The following NMBR variants were observed in gnomAD, a reference collection of about 807,000 sequenced individuals.
NMBR encodes neuromedin-B receptor.
In NMBR, 16 loss-of-function variants were observed where a neutral mutation model predicts 20.5. The observed-to-expected ratio is 0.78, with a 90% CI of 0.53 to 1.19. The LOEUF (loss-of-function observed/expected upper bound fraction) is 1.19, where lower values mean the gene tolerates loss of function less well. Among genes scored for constraint, NMBR ranks in the 50% most tolerant of loss-of-function variants. The pLI is 0.00. For missense variants in NMBR, 582 were observed against 499.1 expected (o/e 1.17, Z -1.58); for synonymous variants, 212 against 196.6 (o/e 1.08, Z -0.65).
chr6:142,136,689 G>T (rs1365528155), intron 1 of NMBR, among the ~76,000 whole-genome samples: 1 of 152,170 alleles, frequency 6.6e-6, no homozygotes, highest in Non-Finnish European at 1.5e-5. Flanking sequence ...GTAAGGAAGG[G>T]ATCCAGTTTC....
At chr6:142,120,171 C>T (rs960756431) in intron 1 of NMBR, among the ~76,000 whole-genome samples, 2 of 151,850 alleles carry the variant, frequency 1.3e-5, no homozygotes, top group African/African-American at 4.8e-5. Flanking sequence ...AATAATCTCT[C>T]CTGCCCTAAA....
intron 1 of NMBR, among the ~76,000 whole-genome samples, chr6:142,095,444 C>G (rs1303915428): frequency 6.6e-6 from 1 of 152,186 alleles, no homozygotes; most frequent in Middle Eastern, 3.4e-3. Context: ...TGTTTATATA[C>G]TGGATTATGT....
intron 1 of NMBR, among the ~76,000 whole-genome samples, chr6:142,097,222 TAGC>T (rs1777471992): frequency 6.6e-6 from 1 of 152,172 alleles, no homozygotes; most frequent in Admixed American, 6.6e-5. Context: ...ATTATGATGT[TAGC>T]TGGTGATTTT....
At chr6:142,131,318 T>C (rs901453446) in intron 1 of NMBR, among the ~76,000 whole-genome samples, 27 of 152,200 alleles carry the variant, frequency 1.8e-4, no homozygotes, top group African/African-American at 6.3e-4. Flanking sequence ...TTTCTTTTCA[T>C]ACACCCACAC....
chr6:142,120,131 G>A (rs898576261), intron 1 of NMBR, among the ~76,000 whole-genome samples: 2 of 151,932 alleles, frequency 1.3e-5, no homozygotes, highest in Admixed American at 1.3e-4. Flanking sequence ...AGACTTTTGT[G>A]TTCTGGTAGA....
chr6:142,146,883 G>C (rs1280369259), intron 1 of NMBR, among the ~76,000 whole-genome samples, 161 bp downstream of exon 1: 4 of 152,164 alleles, frequency 2.6e-5, no homozygotes, highest in African/African-American at 9.7e-5. Context: ...ATATTAACTG[G>C]AAGTGGTAAT....
chr6:142,143,982 A>G (rs1778393319), intron 1 of NMBR, among the ~76,000 whole-genome samples: 2 of 152,244 alleles, frequency 1.3e-5, no homozygotes, highest in African/African-American at 4.8e-5. Flanking sequence ...ATTTGTGAAT[A>G]CATTATATTC....
intron 1 of NMBR, among the ~76,000 whole-genome samples, chr6:142,120,814 T>C (rs1209871988): frequency 6.6e-6 from 1 of 151,974 alleles, no homozygotes; most frequent in Non-Finnish European, 1.5e-5. Flanking sequence ...TCTAACATTA[T>C]TTAAAATTCA....
intron 1 of NMBR, among the ~76,000 whole-genome samples, chr6:142,137,831 C>G (rs542256605): frequency 3.5e-4 from 53 of 152,230 alleles, no homozygotes; most frequent in African/African-American, 1.2e-3. Context: ...AGCCTTGCAT[C>G]CCAGGGATGA....
chr6:142,099,815 A>G (rs1322362720), intron 1 of NMBR, among the ~76,000 whole-genome samples: 1 of 152,210 alleles, frequency 6.6e-6, no homozygotes, highest in Non-Finnish European at 1.5e-5. Flanking sequence ...ATCACGTAGA[A>G]CTCTTACAGC....
At chr6:142,135,645 C>A (rs966166081) in intron 1 of NMBR, among the ~76,000 whole-genome samples, 1 of 142,418 alleles carries the variant, frequency 7.0e-6, no homozygotes, top group African/African-American at 2.6e-5. Context: ...TCCCTCCCCC[C>A]TCGCCCCACC....
intron 2 of NMBR, among the ~76,000 whole-genome samples, chr6:142,087,256 T>C (rs1166935677): frequency 3.3e-5 from 5 of 152,184 alleles, no homozygotes; most frequent in Non-Finnish European, 5.9e-5. Context: ...CAATTGAATA[T>C]GTAAATTAAA....
At chr6:142,087,044 C>T (rs1011340440) in intron 2 of NMBR, among the ~76,000 whole-genome samples, 1 of 152,094 alleles carries the variant, frequency 6.6e-6, no homozygotes, top group African/African-American at 2.4e-5. Flanking sequence ...GCCACATAAA[C>T]AAAATTAGGT....
rs551401176 is a variant in NMBR at position 142,136,888 on chromosome 6, G to C, written c.-664+10156C>G. Among the ~76,000 whole-genome samples the C allele has an allele frequency of 4.5e-3, 686 of 152,218 alleles. 1 individual carries two copies. Among genetic ancestry groups the C allele is most frequent in the Non-Finnish European group, 6.8e-3 (464 of 68,014 alleles). ...TTTGGTACCAGTACCATGCTGTTTTGGTTACTGTAGCCTTGTAGTATAGTT... is the reference window on the plus strand; with the variant it reads ...TTTGGTACCAGTACCATGCTGTTTTCGTTACTGTAGCCTTGTAGTATAGTT... On this transcript the variant is annotated intron_variant, in intron 1 of 3. Coordinates refer to ENST00000258042, the MANE Select transcript of NMBR (RefSeq NM_002511.4).
At chr6:142,144,798 TC>T (rs1778405008) in intron 1 of NMBR, among the ~76,000 whole-genome samples, 1 of 151,976 alleles carries the variant, frequency 6.6e-6, no homozygotes, top group Non-Finnish European at 1.5e-5. Context: ...GTCTGTAATC[TC>T]AGCACTTTGG....
intron 1 of NMBR, among the ~76,000 whole-genome samples, chr6:142,112,258 A>G (rs1582852350): frequency 6.6e-6 from 1 of 152,246 alleles, no homozygotes; most frequent in Non-Finnish European, 1.5e-5. Flanking sequence ...CTAAGCAATT[A>G]GTAGCTCCCA....
chr6:142,096,215 T>A (rs976688857), intron 1 of NMBR, among the ~76,000 whole-genome samples: 6 of 152,190 alleles, frequency 3.9e-5, no homozygotes, highest in African/African-American at 1.4e-4. Context: ...TGTTTGCTCT[T>A]GTTTCTCTAG....
At chr6:142,136,253 T>C (rs1429356665) in intron 1 of NMBR, among the ~76,000 whole-genome samples, 1 of 152,256 alleles carries the variant, frequency 6.6e-6, no homozygotes, top group Non-Finnish European at 1.5e-5. Flanking sequence ...CCAGTGATGA[T>C]GAGCATTTTT....
Position 142,078,918 on chromosome 6 carries a change from C to A in NMBR, c.423-15G>T. On this transcript the variant is annotated splice_polypyrimidine_tract_variant and intron_variant, in intron 2 of 3. Transcript: ENST00000258042. ...TGGCTCTGTACCTGGGAAAATGATA[C>A]ATCTCAAGTTATTCCAGAAAGAAAG... 6.8e-7 allele frequency: 1 copy of A among 1,465,402 alleles called. No individual in the cohort carries two copies. The highest frequency in any genetic ancestry group is 9.2e-7 in the Non-Finnish European group (1 of 1,088,016). The allele number at this position is 1,465,402 out of a possible 1,614,324, so 90.8% of individuals were successfully genotyped here.
Sources: gnomAD v4.1 joint callset for allele counts (sites outside exome capture counted in the v4.1 genomes callset) on GRCh38, gnomAD v4.1.1 for gene constraint, MANE v1.5 for transcripts, NCBI Gene and HGNC (gene_info 2026-07-23, HGNC 2026-07-21) for gene names.